Variants in ARHGAP24 observed in about 807,000 individuals in gnomAD.
ARHGAP24 encodes Rho GTPase activating protein 24, also known as rho GTPase-activating protein 24.
A neutral mutation model predicts 76.4 loss-of-function variants in ARHGAP24; 50 were observed. The ratio of observed to expected loss-of-function variants is 0.65; its 90% CI spans 0.52 to 0.83. The LOEUF (loss-of-function observed/expected upper bound fraction) is 0.83, where lower values mean the gene tolerates loss of function less well. ARHGAP24 is among the 40% of genes least tolerant of loss of function. The pLI, the probability that ARHGAP24 is intolerant of heterozygous loss-of-function variation, is 0.00. For synonymous variants in ARHGAP24, 345 were observed against 323.3 expected (o/e 1.07, Z -0.72); for missense variants, 930 against 914.2 (o/e 1.02, Z -0.22).
intron 5 of ARHGAP24, among the ~76,000 whole-genome samples, chr4:85,964,175 C>T (rs1281823791): frequency 6.6e-6 from 1 of 152,028 alleles, no homozygotes; most frequent in Non-Finnish European, 1.5e-5. Context: ...TTCCAACATA[C>T]TGCTCAGTCA....
At chr4:85,600,304 T>G (rs562551701) in intron 2 of ARHGAP24, among the ~76,000 whole-genome samples, 9 of 152,322 alleles carry the variant, frequency 5.9e-5, no homozygotes, top group Admixed American at 5.2e-4. Context: ...AAGGATATAT[T>G]GTTTTTTCCC....
At chr4:85,715,223 C>G (rs1724688424) in intron 2 of ARHGAP24, among the ~76,000 whole-genome samples, 1 of 152,020 alleles carries the variant, frequency 6.6e-6, no homozygotes, top group South Asian at 2.1e-4. Context: ...ACTATTCTAG[C>G]CTTGCAAACA....
At chr4:85,573,895 G>T (rs926178547) in intron 2 of ARHGAP24, among the ~76,000 whole-genome samples, 3 of 152,048 alleles carry the variant, frequency 2.0e-5, no homozygotes, top group Admixed American at 6.5e-5. Context: ...CTTTACCTTT[G>T]CTTTTAGTCA....
intron 3 of ARHGAP24, among the ~76,000 whole-genome samples, chr4:85,912,991 T>C (rs1275861145): frequency 6.6e-6 from 1 of 152,174 alleles, no homozygotes; most frequent in Non-Finnish European, 1.5e-5. Flanking sequence ...TTGCATAGCT[T>C]TAAAAAATTA....
At chr4:85,576,867 TTAGCTCATA>T (rs1325336901) in intron 2 of ARHGAP24, among the ~76,000 whole-genome samples, 1 of 152,138 alleles carries the variant, frequency 6.6e-6, no homozygotes, top group Non-Finnish European at 1.5e-5. Flanking sequence ...GAATTGAATC[TTAGCTCATA>T]TAGTTACTAA....
In ARHGAP24 at chr4:85,623,439, C is replaced by A. The variant is rs1720798560; in HGVS notation, c.180+52718C>A. On this transcript the variant is annotated intron_variant, in intron 2 of 9. Transcript: ENST00000395184. Reference sequence around the variant, plus strand: ...TGGCATTATTTCTGAGGGCTCTGTTCTGTTCCATTGGTCTATATCTCTGTT... The same window carrying A: ...TGGCATTATTTCTGAGGGCTCTGTTATGTTCCATTGGTCTATATCTCTGTT... Among the ~76,000 whole-genome samples the A allele has an allele frequency of 2.0e-5, 3 of 152,108 alleles. No individual in the cohort carries two copies. The South Asian group carries it at 6.2e-4, about 31-fold the overall frequency.
At chr4:85,789,941 A>G (rs1728041729) in intron 3 of ARHGAP24, among the ~76,000 whole-genome samples, 1 of 152,146 alleles carries the variant, frequency 6.6e-6, no homozygotes, top group Admixed American at 6.6e-5. Flanking sequence ...ACGTTTCTGG[A>G]CTGTCTTCCA....
chr4:85,975,266 C>T (rs1350701614), intron 7 of ARHGAP24, among the ~76,000 whole-genome samples: 3 of 152,144 alleles, frequency 2.0e-5, no homozygotes, highest in Non-Finnish European at 2.9e-5. Flanking sequence ...AGCATGCCAC[C>T]TTGGCATGAG....
chr4:85,834,455 A>G (rs1730160204), intron 3 of ARHGAP24, among the ~76,000 whole-genome samples: 1 of 152,234 alleles, frequency 6.6e-6, no homozygotes, highest in Non-Finnish European at 1.5e-5. Flanking sequence ...AGATATATCT[A>G]TAATACTTCA....
intron 2 of ARHGAP24, among the ~76,000 whole-genome samples, chr4:85,580,340 CTAA>C (rs1453783567): frequency 6.6e-6 from 1 of 152,130 alleles, no homozygotes; most frequent in Non-Finnish European, 1.5e-5. Context: ...GCCTTTCTGG[CTAA>C]TTTGTGGCTG....
In ARHGAP24 at chr4:85,887,795, C is replaced by T. The variant is rs544694774; in HGVS notation, c.269-35853C>T. ...TGTTCTTATGTACTTATGTCATGTA[C>T]CTATGACAAGTGAGGTCATAGGTAA... On this transcript the variant is annotated intron_variant, in intron 3 of 9. Coordinates refer to ENST00000395184, the MANE Select transcript of ARHGAP24 (RefSeq NM_001025616.3). 2.2e-4 allele frequency among the ~76,000 whole-genome samples: 34 copies of T among 152,174 alleles called. No homozygotes were observed. In the South Asian group the frequency reaches 7.1e-3, roughly 32 times the overall value.
At chr4:85,706,513 A>G (rs547106546) in intron 2 of ARHGAP24, among the ~76,000 whole-genome samples, 1 of 152,176 alleles carries the variant, frequency 6.6e-6, no homozygotes, top group African/African-American at 2.4e-5. Flanking sequence ...ACTAGACACA[A>G]AACACATTTC....
chr4:85,709,987 A>ACATT (rs1322126646), intron 2 of ARHGAP24, among the ~76,000 whole-genome samples: 1 of 152,180 alleles, frequency 6.6e-6, no homozygotes, highest in Non-Finnish European at 1.5e-5. Flanking sequence ...ATTACCAATG[A>ACATT]CATTCTTCTC....
At chr4:85,859,042 C>T (rs1389899262) in intron 3 of ARHGAP24, among the ~76,000 whole-genome samples, 3 of 151,998 alleles carry the variant, frequency 2.0e-5, no homozygotes, top group Non-Finnish European at 4.4e-5. Flanking sequence ...GGGTCTTAGG[C>T]AAAGGCCTTT....
At chr4:85,528,431 A>C (rs576498972) in intron 1 of ARHGAP24, among the ~76,000 whole-genome samples, 7 of 152,148 alleles carry the variant, frequency 4.6e-5, no homozygotes, top group South Asian at 4.1e-4. Flanking sequence ...ACACACAAAA[A>C]ATTTCTGGTG....
At chr4:85,558,047 C>A (rs13140816) in intron 1 of ARHGAP24, among the ~76,000 whole-genome samples, 1 of 152,144 alleles carries the variant, frequency 6.6e-6, no homozygotes, top group East Asian at 1.9e-4. Context: ...TGCCGCCAAC[C>A]TCAGATGCTC....
At chr4:85,769,397 G>A (rs76152285) in intron 3 of ARHGAP24, among the ~76,000 whole-genome samples, 26,091 of 152,070 alleles carry the variant, frequency 0.17, 3,067 homozygotes, top group East Asian at 0.66. Flanking sequence ...TTTTTTGTGG[G>A]AAAAGAAGAC....
At chr4:85,821,414 C>T (rs1440000247) in intron 3 of ARHGAP24, among the ~76,000 whole-genome samples, 1 of 152,186 alleles carries the variant, frequency 6.6e-6, no homozygotes. Context: ...CACTCTGTTT[C>T]CCAGGCTGGG....
At chr4:85,879,343 G>A (rs988944591) in intron 3 of ARHGAP24, among the ~76,000 whole-genome samples, 2 of 152,118 alleles carry the variant, frequency 1.3e-5, no homozygotes, top group African/African-American at 4.8e-5. Context: ...ATATCCTGGA[G>A]ATGTACTCTG....
Sources: gnomAD v4.1 joint callset for allele counts (sites outside exome capture counted in the v4.1 genomes callset) on GRCh38, gnomAD v4.1.1 for gene constraint, MANE v1.5 for transcripts, NCBI Gene and HGNC (gene_info 2026-07-23, HGNC 2026-07-21) for gene names.